CHRM3: variants seen among roughly 807,000 people sequenced by gnomAD.
The protein encoded by CHRM3 is cholinergic receptor muscarinic 3, also known as muscarinic acetylcholine receptor M3.
A neutral mutation model predicts 41.8 loss-of-function variants in CHRM3; 11 were observed. The ratio of observed to expected loss-of-function variants is 0.26; its 90% CI spans 0.17 to 0.44. CHRM3 has a LOEUF of 0.44. Among genes scored for constraint, CHRM3 ranks in the 20% least tolerant of loss-of-function variants. The probability of loss-of-function intolerance (pLI) is 1.00; values close to 1 mark genes in which losing one functional copy is unlikely to be tolerated. For missense variants in CHRM3, 571 were observed against 745.4 expected, an observed-to-expected ratio of 0.77 and a Z score of 2.72; for synonymous variants, 297 against 301.4, an observed-to-expected ratio of 0.99 and a Z score of 0.15.
chr1:239,796,605 G>T (rs1028710079), intron 5 of CHRM3, among the ~76,000 whole-genome samples: 3 of 151,950 alleles, frequency 2.0e-5, no homozygotes, highest in African/African-American at 7.3e-5. Flanking sequence ...CAGAGCATTT[G>T]GCTGATCAGC....
chr1:239,618,854 A>AG (rs1468722031), intron 3 of CHRM3, among the ~76,000 whole-genome samples: 2 of 150,910 alleles, frequency 1.3e-5, no homozygotes, highest in Non-Finnish European at 3.0e-5. Context: ...AAAAAAAAAA[A>AG]AAAAAAAGTA....
chr1:239,640,335 G>A (rs949197204), intron 4 of CHRM3, among the ~76,000 whole-genome samples: 6 of 152,142 alleles, frequency 3.9e-5, no homozygotes, highest in South Asian at 2.1e-4. Context: ...GTTTCAGAAG[G>A]AATGGTACCA....
intron 1 of CHRM3, among the ~76,000 whole-genome samples, chr1:239,483,823 T>C (rs1667017545): frequency 6.6e-6 from 1 of 152,208 alleles, no homozygotes; most frequent in South Asian, 2.1e-4. Context: ...TATCCTTAAA[T>C]AGGCTAAAAT....
intron 5 of CHRM3, among the ~76,000 whole-genome samples, chr1:239,794,069 G>C (rs1427909396): frequency 2.6e-5 from 4 of 151,732 alleles, no homozygotes; most frequent in Non-Finnish European, 5.9e-5. Flanking sequence ...CCTCCCAAAG[G>C]GTTGGGATTA....
At chr1:239,796,571 A>G (rs1669791164) in intron 5 of CHRM3, among the ~76,000 whole-genome samples, 2 of 152,050 alleles carry the variant, frequency 1.3e-5, no homozygotes, top group Non-Finnish European at 2.9e-5. Context: ...TCGTGGGTGT[A>G]TACTTAATGC....
chr1:239,633,185 A>G (rs900963590), intron 4 of CHRM3, among the ~76,000 whole-genome samples: 1 of 152,128 alleles, frequency 6.6e-6, no homozygotes, highest in Non-Finnish European at 1.5e-5. Context: ...GTTAGCCAGG[A>G]TGGTCTCGAT....
chr1:239,538,552 C>T (rs1308233210), intron 2 of CHRM3, among the ~76,000 whole-genome samples: 1 of 152,146 alleles, frequency 6.6e-6, no homozygotes, highest in Non-Finnish European at 1.5e-5. Context: ...AAGCTGCTGT[C>T]TCTGTTTTGT....
intron 6 of CHRM3, among the ~76,000 whole-genome samples, chr1:239,863,761 C>T (rs1675834926): frequency 6.6e-6 from 1 of 152,120 alleles, no homozygotes; most frequent in Non-Finnish European, 1.5e-5. Context: ...GGGGAGTAGA[C>T]AGTGGCATAA....
chr1:239,447,252 C>T (rs1664215264), intron 1 of CHRM3, among the ~76,000 whole-genome samples: 1 of 151,630 alleles, frequency 6.6e-6, no homozygotes, highest in African/African-American at 2.4e-5. Context: ...AACAGGGGTT[C>T]ATGACAGCTC....
At position 239,805,744 on chromosome 1, in the gene CHRM3, T is replaced by A. The variant is rs117996214; in HGVS notation, c.-146-21508T>A. On this transcript the variant is annotated intron_variant, in intron 5 of 6. Transcript: ENST00000676153. ...AAATATATTGCCATATATATCAGAATATTATTGTAAGAGCTAAATGAACCA... is the reference window on the plus strand; with the variant it reads ...AAATATATTGCCATATATATCAGAAAATTATTGTAAGAGCTAAATGAACCA... Among the ~76,000 whole-genome samples the A allele has an allele frequency of 2.4e-3, 363 of 152,198 alleles. 1 individual carries two copies. The East Asian group carries it at 0.028, about 12-fold the overall frequency.
intron 2 of CHRM3, among the ~76,000 whole-genome samples, chr1:239,513,057 T>C (rs1467048980): frequency 1.3e-5 from 2 of 152,164 alleles, no homozygotes; most frequent in Non-Finnish European, 1.5e-5. Context: ...ACATCGTGGG[T>C]CATATTCTGA....
intron 3 of CHRM3, among the ~76,000 whole-genome samples, chr1:239,617,689 G>A (rs986167770): frequency 6.6e-6 from 1 of 152,124 alleles, no homozygotes; most frequent in Non-Finnish European, 1.5e-5. Context: ...AGCTGTGATG[G>A]CACCACTGCA....
chr1:239,400,308 T>C (rs1304168383), intron 1 of CHRM3, among the ~76,000 whole-genome samples: 1 of 152,218 alleles, frequency 6.6e-6, no homozygotes, highest in Admixed American at 6.5e-5. Context: ...ATTATTTTCT[T>C]TTTTGCTATT....
chr1:239,740,584 G>T (rs757503712), intron 5 of CHRM3, among the ~76,000 whole-genome samples: 2 of 151,984 alleles, frequency 1.3e-5, no homozygotes, highest in Non-Finnish European at 2.9e-5. Context: ...AGCCCTGCAT[G>T]CATTAGGTAT....
At chr1:239,587,111 C>T (rs180977201) in intron 3 of CHRM3, among the ~76,000 whole-genome samples, 16 of 152,286 alleles carry the variant, frequency 1.1e-4, no homozygotes, top group Admixed American at 6.5e-4. Context: ...CACATTCTGT[C>T]ACAGGATGAT....
intron 6 of CHRM3, among the ~76,000 whole-genome samples, chr1:239,869,840 T>C (rs949791349): frequency 1.1e-4 from 17 of 152,096 alleles, no homozygotes; most frequent in Admixed American, 9.2e-4. Context: ...ATCGATGGAG[T>C]ATTCATTTGA....
intron 5 of CHRM3, among the ~76,000 whole-genome samples, chr1:239,793,527 A>T (rs1404397353): frequency 6.6e-6 from 1 of 152,248 alleles, no homozygotes; most frequent in Non-Finnish European, 1.5e-5. Flanking sequence ...ATTTCTAATA[A>T]TGTTCTAATT....
chr1:239,498,258 A>G (rs1668010169), intron 2 of CHRM3, among the ~76,000 whole-genome samples: 1 of 152,154 alleles, frequency 6.6e-6, no homozygotes, highest in Non-Finnish European at 1.5e-5. Context: ...GTTACTGTGA[A>G]TAATAATTCA....
At chr1:239,536,284 A>G (rs1440017746) in intron 2 of CHRM3, among the ~76,000 whole-genome samples, 1 of 152,104 alleles carries the variant, frequency 6.6e-6, no homozygotes, top group African/African-American at 2.4e-5. Context: ...CCATTCTATA[A>G]TTTACTTAGA....
Sources: allele counts gnomAD v4.1 joint callset (sites outside exome capture counted in the v4.1 genomes callset), GRCh38; gene constraint gnomAD v4.1.1; transcripts MANE v1.5; gene names NCBI Gene and HGNC (gene_info 2026-07-23, HGNC 2026-07-21).